FBN1: variants seen among roughly 807,000 people sequenced by gnomAD.
FBN1 encodes fibrillin-1.
In FBN1, 29 loss-of-function variants were observed where a neutral mutation model predicts 365.1. The ratio of observed to expected loss-of-function variants is 0.08; its 90% CI spans 0.06 to 0.11. The LOEUF is 0.11. Among genes scored for constraint, FBN1 ranks in the 10% least tolerant of loss-of-function variants. FBN1 has a pLI of 1.00. For synonymous variants in FBN1, 1,210 were observed against 1,270.5 expected (o/e 0.95, Z 1.01); for missense variants, 2,476 against 3,703.2 (o/e 0.67, Z 8.60).
intron 6 of FBN1, among the ~76,000 whole-genome samples, chr15:48,571,591 T>C (rs187569363): frequency 7.9e-5 from 12 of 152,254 alleles, no homozygotes; most frequent in Admixed American, 3.3e-4. Flanking sequence ...AAAGAGTAAA[T>C]GTCTATTGTT....
At chr15:48,636,943 C>T (rs144662021) in intron 2 of FBN1, among the ~76,000 whole-genome samples, 260 of 152,326 alleles carry the variant, frequency 1.7e-3, no homozygotes, top group African/African-American at 6.1e-3. Context: ...AATGAAAATA[C>T]TTTGTTTCAT....
At chr15:48,621,844 A>G (rs184858852) in intron 2 of FBN1, among the ~76,000 whole-genome samples, 2,735 of 151,706 alleles carry the variant, frequency 0.018, 98 homozygotes, top group African/African-American at 0.063. Context: ...AAAAAAAAAA[A>G]AAAATTAGCC....
rs1219511826 is a variant in FBN1, at chr15:48,537,590, AT to A, written c.736+20del. 1 of 1,613,758 alleles carries A rather than the reference AT, an allele frequency of 6.2e-7. No homozygotes were observed. The highest frequency in any genetic ancestry group is 8.5e-7 in the Non-Finnish European group (1 of 1,179,864). On this transcript the variant is annotated intron_variant, in intron 7 of 65. Transcript: ENST00000316623. ...AGCAAATAAGATTAATCCATTAATA[AT>A]TCCATCAGCCCGGGTTTACCTTGAC...
intron 6 of FBN1, among the ~76,000 whole-genome samples, chr15:48,541,161 T>G (rs1471216677): frequency 6.6e-6 from 1 of 152,164 alleles, no homozygotes. Flanking sequence ...ATTATTCTTA[T>G]TTCAATATGA....
At chr15:48,499,824 G>A (rs1186163743) in intron 17 of FBN1, among the ~76,000 whole-genome samples, 2 of 152,188 alleles carry the variant, frequency 1.3e-5, no homozygotes, top group African/African-American at 2.4e-5. Flanking sequence ...GTCCCCTTAA[G>A]TTGCCAATGG....
chr15:48,472,237 C>A (rs2043382012), intron 35 of FBN1, among the ~76,000 whole-genome samples: 1 of 152,170 alleles, frequency 6.6e-6, no homozygotes. Flanking sequence ...TTGCATCCCC[C>A]TCCGTAGGGA....
intron 6 of FBN1, among the ~76,000 whole-genome samples, chr15:48,581,404 A>ATG (rs2140687397): frequency 6.6e-6 from 1 of 152,324 alleles, no homozygotes; most frequent in East Asian, 1.9e-4. Flanking sequence ...CAACAGAAGG[A>ATG]TGTCCCGGGC....
At chr15:48,470,365 C>T (rs917545851) in intron 36 of FBN1, among the ~76,000 whole-genome samples, 5 of 152,130 alleles carry the variant, frequency 3.3e-5, no homozygotes, top group Non-Finnish European at 7.4e-5. Flanking sequence ...GGAAGCTACA[C>T]CACTAGAGCA....
intron 24 of FBN1, 72 bp downstream of exon 24, chr15:48,492,389 A>G: frequency 4.0e-6 from 6 of 1,497,272 alleles, no homozygotes; most frequent in East Asian, 2.4e-5. Flanking sequence ...GTGCTCAGCT[A>G]TATCTTGTTA....
Position 48,468,027 on chromosome 15 carries a change from A to G in FBN1, c.4658T>C (p.Ile1553Thr). The change falls in exon 38 of 66, where the codon ATT (isoleucine) becomes ACT (threonine). Residue 1553 changes from isoleucine (I) to threonine (T), a missense_variant. Coordinates refer to ENST00000316623, the MANE Select transcript of FBN1 (RefSeq NM_000138.5). ...DNGDTACSNE[I>T]GVGVSKASCC... ...GGAAGCTTTGGAAACACCAACTCCAATTTCATTGCTGCAGGCTGTATCTCC... is the reference window on the plus strand; with the variant it reads ...GGAAGCTTTGGAAACACCAACTCCAGTTTCATTGCTGCAGGCTGTATCTCC... 1 of 1,614,136 alleles carries G rather than the reference A, an allele frequency of 6.2e-7. No individual in the cohort carries two copies. The highest frequency in any genetic ancestry group is 1.6e-4 in the Middle Eastern group (1 of 6,062).
chr15:48,513,263 A>G (rs117288538), intron 13 of FBN1, among the ~76,000 whole-genome samples: 2 of 152,294 alleles, frequency 1.3e-5, no homozygotes, highest in East Asian at 3.9e-4. Context: ...TCCACTCTCT[A>G]CTTCTCAGAT....
Position 48,459,665 on chromosome 15 carries a change from G to C in FBN1, c.5296+581C>G, listed in dbSNP as rs1020100023. On this transcript the variant is annotated intron_variant, in intron 43 of 65. Coordinates refer to ENST00000316623, the MANE Select transcript of FBN1 (RefSeq NM_000138.5). The stretch of plus-strand genomic sequence containing the variant: ...AAACCACAAGGGCATTGCCTGCACT[G>C]GCTGAGTGCTGTGTAATACTTCTGA... Among the ~76,000 whole-genome samples, 3 of 152,188 alleles carry C rather than the reference G, an allele frequency of 2.0e-5. No individual in the cohort carries two copies. In the East Asian group the frequency reaches 5.8e-4, roughly 29 times the overall value.
chr15:48,538,810 T>C lies in FBN1; in HGVS notation c.539-1002A>G, dbSNP rs910663908. On this transcript the variant is annotated intron_variant, in intron 6 of 65. Coordinates refer to ENST00000316623, the MANE Select transcript of FBN1 (RefSeq NM_000138.5). ...ACATTTGCATGCTTCCAGGTCATTT[T>C]CAGAAGTGTTTAGGTGCAGTGATCC... Among the ~76,000 whole-genome samples, 73 of 152,200 alleles carry C rather than the reference T, an allele frequency of 4.8e-4. 1 individual carries two copies. The highest frequency in any genetic ancestry group is 1.0e-4 in the Non-Finnish European group (7 of 68,044).
chr15:48,615,022 G>A (rs560651097), intron 2 of FBN1, among the ~76,000 whole-genome samples: 5 of 152,258 alleles, frequency 3.3e-5, no homozygotes, highest in East Asian at 3.9e-4. Context: ...TCAAATTCTC[G>A]GAAAGGAAAA....
chr15:48,604,094 T>C (rs888509054), intron 4 of FBN1, among the ~76,000 whole-genome samples: 1 of 151,976 alleles, frequency 6.6e-6, no homozygotes, highest in Non-Finnish European at 1.5e-5. Context: ...CACAGATTAG[T>C]TCTTAAATGA....
intron 35 of FBN1, among the ~76,000 whole-genome samples, chr15:48,471,351 A>G (rs1277693927): frequency 6.6e-6 from 1 of 152,118 alleles, no homozygotes; most frequent in Non-Finnish European, 1.5e-5. Context: ...AATAGCCATG[A>G]CCACTCCACC....
chr15:48,445,557 C>T (rs2043152376), intron 47 of FBN1, 53 bp from the exon 48 acceptor site: 3 of 1,589,420 alleles, frequency 1.9e-6, no homozygotes, highest in Non-Finnish European at 2.6e-6. Context: ...TGTCATAATC[C>T]CAGCAATAAT....
At chr15:48,502,019 TC>T (rs2043663453) in intron 17 of FBN1, among the ~76,000 whole-genome samples, 1 of 152,026 alleles carries the variant, frequency 6.6e-6, no homozygotes, top group African/African-American at 2.4e-5. Context: ...TAAATAGGCA[TC>T]CCTCATTTCC....
chr15:48,440,044 T>C (rs1179053625), intron 50 of FBN1, among the ~76,000 whole-genome samples: 1 of 152,212 alleles, frequency 6.6e-6, no homozygotes, highest in Non-Finnish European at 1.5e-5. Context: ...GCAAAATCTG[T>C]GCTCTGTAGG....
Sources: gnomAD v4.1 joint callset for allele counts (sites outside exome capture counted in the v4.1 genomes callset) on GRCh38, gnomAD v4.1.1 for gene constraint, MANE v1.5 for transcripts, NCBI Gene and HGNC (gene_info 2026-07-23, HGNC 2026-07-21) for gene names.